Variants in ABCA9 observed in about 807,000 individuals in gnomAD.
The protein encoded by ABCA9 is ATP binding cassette subfamily A member 9, also known as ATP-binding cassette sub-family A member 9.
In ABCA9, 183 loss-of-function variants were observed where a neutral mutation model predicts 205.3. The ratio of observed to expected loss-of-function variants is 0.89; its 90% CI spans 0.79 to 1.01. The LOEUF (loss-of-function observed/expected upper bound fraction) is 1.01, where lower values mean the gene tolerates loss of function less well. Ranked by LOEUF, ABCA9 falls within the 50% of genes least tolerant of loss-of-function variation. ABCA9 has a pLI of 0.00. For synonymous variants in ABCA9, 651 were observed against 683.3 expected (o/e 0.95, Z 0.74); for missense variants, 1,805 against 1,912.4 (o/e 0.94, Z 1.05).
At position 69,049,388 on chromosome 17, in the gene ABCA9, G is replaced by C. The variant is rs150105567; in HGVS notation, c.199C>G (p.Arg67Gly). 1,226 of 1,612,638 alleles carry C rather than the reference G, an allele frequency of 7.6e-4. No homozygotes were observed. The highest frequency in any genetic ancestry group is 1.6e-3 in the Admixed American group (96 of 59,904). ...TTAGTATCATTAAAACTATCTACAC[G>C]TCCCAGATCCATTGAAGACATTTGA... ...TPQMSSMDLG[R>G]VDSFNDTNYV... is the part of the protein sequence containing the mutation. Residue 67 changes from arginine (R) to glycine (G), a missense_variant, in exon 3 of 39, where the codon CGT (arginine) becomes GGT (glycine). By Grantham distance (125) the Arg-to-Gly change is moderately radical. Coordinates refer to ENST00000340001, the MANE Select transcript of ABCA9 (RefSeq NM_080283.4).
chr17:68,976,142 A>T lies in ABCA9; in HGVS notation c.4769T>A (p.Leu1590Gln). The T allele has an allele frequency of 6.2e-7, 1 of 1,614,014 alleles. No individual in the cohort carries two copies. The highest frequency in any genetic ancestry group is 2.2e-5 in the East Asian group (1 of 44,880). ...LEEYSLSQST[L>Q]EQVFLELSKE... is the part of the protein sequence containing the mutation. ...TCACTAAAAATGACCCACCTGCTCC[A>T]GGGTAGACTGTGAGAGGCTGTACTC... is the stretch of plus-strand genomic sequence containing the variant. Residue 1590 changes from leucine to glutamine, a missense_variant, in exon 38 of 39, where the codon CTG (leucine) becomes CAG (glutamine). Coordinates refer to ENST00000340001, the MANE Select transcript of ABCA9 (RefSeq NM_080283.4).
the ABCA9 span, among the ~76,000 whole-genome samples, chr17:69,072,472 C>A: frequency 6.6e-6 from 1 of 152,198 alleles, no homozygotes; most frequent in Non-Finnish European, 1.5e-5. Context: ...ATTTTCAACC[C>A]AGAATTTCAT....
intron 10 of ABCA9, among the ~76,000 whole-genome samples, chr17:69,029,896 C>A (rs1248170869): frequency 6.6e-6 from 1 of 151,958 alleles, no homozygotes; most frequent in Admixed American, 6.6e-5. Flanking sequence ...TAAAAGAGGG[C>A]AAAGAAAAAT....
At chr17:68,984,012 G>A (rs1214116774) in intron 35 of ABCA9, 44 bp downstream of exon 35, 1 of 1,612,100 alleles carries the variant, frequency 6.2e-7, no homozygotes, top group Non-Finnish European at 8.5e-7. Flanking sequence ...TTTGCTCACA[G>A]CACACAACCT....
chr17:69,041,547 T>C (rs2071537531), intron 6 of ABCA9, among the ~76,000 whole-genome samples: 1 of 151,926 alleles, frequency 6.6e-6, no homozygotes, highest in Non-Finnish European at 1.5e-5. Flanking sequence ...CTACTAAAAG[T>C]ACAAAGATTA....
chr17:69,003,109 C>A (rs1228897553), intron 25 of ABCA9, among the ~76,000 whole-genome samples: 1 of 151,184 alleles, frequency 6.6e-6, no homozygotes, highest in Non-Finnish European at 1.5e-5. Context: ...AGCATTTAGT[C>A]CATTTACATT....
At chr17:69,022,473 C>T (rs190652397) in intron 17 of ABCA9, 1 of 151,804 alleles carries the variant, frequency 6.6e-6, no homozygotes, top group Non-Finnish European at 1.5e-5. Context: ...TACAGGTGCA[C>T]AACACCACGC....
At chr17:69,041,737 C>G (rs935609262) in intron 6 of ABCA9, among the ~76,000 whole-genome samples, 3 of 151,658 alleles carry the variant, frequency 2.0e-5, no homozygotes, top group African/African-American at 7.3e-5. Flanking sequence ...AATTATCTAT[C>G]TATCTATCTA....
chr17:69,065,968 T>C, the ABCA9 span, among the ~76,000 whole-genome samples: 2 of 152,258 alleles, frequency 1.3e-5, no homozygotes, highest in African/African-American at 4.8e-5. Flanking sequence ...AAGGACATGT[T>C]TGCCTCCCCT....
intron 3 of ABCA9, among the ~76,000 whole-genome samples, chr17:69,047,283 G>C (rs1011932695): frequency 6.7e-6 from 1 of 150,368 alleles, no homozygotes; most frequent in African/African-American, 2.4e-5. Context: ...ATAAAACAAA[G>C]TTTTTACTGC....
chr17:69,050,073 TTAAAA>T (rs1422975960), intron 2 of ABCA9, among the ~76,000 whole-genome samples: 1 of 152,098 alleles, frequency 6.6e-6, no homozygotes, highest in African/African-American at 2.4e-5. Flanking sequence ...TAAGTCCTTT[TTAAAA>T]GAGTTATATG....
At chr17:69,041,786 G>A (rs942385587) in intron 6 of ABCA9, among the ~76,000 whole-genome samples, 1 of 147,698 alleles carries the variant, frequency 6.8e-6, no homozygotes, top group Admixed American at 6.8e-5. Context: ...TTAGTACTGA[G>A]TTAACTCAAT....
At chr17:69,037,390 A>G (rs1480585772) in intron 6 of ABCA9, among the ~76,000 whole-genome samples, 1 of 152,076 alleles carries the variant, frequency 6.6e-6, no homozygotes, top group Non-Finnish European at 1.5e-5. Flanking sequence ...GCAATCAAAT[A>G]AGAACTCAGG....
At position 69,044,609 on chromosome 17, in the gene ABCA9, G is replaced by C. The variant is rs775942054; in HGVS notation, c.470-9C>G. ...CACTGCTTGACAGTGAGCTTTAGAA[G>C]AAGAACACATCCATTATTACGGAAT... On this transcript the variant is annotated splice_polypyrimidine_tract_variant and intron_variant, in intron 4 of 38. Transcript: ENST00000340001. The C allele has an allele frequency of 6.2e-7, 1 of 1,609,006 alleles. No individual in the cohort carries two copies. The highest frequency in any genetic ancestry group is 8.5e-7 in the Non-Finnish European group (1 of 1,176,568).
intron 31 of ABCA9, 30 bp from the exon 32 acceptor site, chr17:68,986,354 T>C: frequency 6.3e-7 from 1 of 1,585,278 alleles, no homozygotes; most frequent in Non-Finnish European, 8.6e-7. Flanking sequence ...TCTTAGATTC[T>C]ATCCCAAATG....
chr17:68,994,130 C>T lies in ABCA9; in HGVS notation c.3556-1046G>A, dbSNP rs1393710992. Among the ~76,000 whole-genome samples, 3 of 152,320 alleles carry T rather than the reference C, an allele frequency of 2.0e-5. No individual in the cohort carries two copies. The East Asian group carries it at 5.8e-4, about 29-fold the overall frequency. On this transcript the variant is annotated intron_variant, in intron 26 of 38. Transcript: ENST00000340001. Reference sequence around the variant, plus strand: ...ACCTCAGGTGATTCACCTGCCTCGGCCTCCCAAAGTGCTGGGATTACAGGC... The same window carrying T: ...ACCTCAGGTGATTCACCTGCCTCGGTCTCCCAAAGTGCTGGGATTACAGGC...
the ABCA9 span, among the ~76,000 whole-genome samples, chr17:69,066,675 G>A: frequency 2.1e-4 from 32 of 152,148 alleles, no homozygotes; most frequent in Non-Finnish European, 3.7e-4. Flanking sequence ...ATTAAAAAAT[G>A]TGACAACACG....
intron 21 of ABCA9, among the ~76,000 whole-genome samples, chr17:69,017,413 A>G (rs2070657991): frequency 6.6e-6 from 1 of 152,168 alleles, no homozygotes; most frequent in African/African-American, 2.4e-5. Context: ...GATAATAACG[A>G]TCTAAATAAA....
At chr17:68,976,280 T>C (rs1461770890) in intron 37 of ABCA9, 90 bp from the exon 38 acceptor site, 2 of 1,076,892 alleles carry the variant, frequency 1.9e-6, no homozygotes, top group East Asian at 4.8e-5. Context: ...CAAGTAGATC[T>C]TAAACATAAA....
Sources: gnomAD v4.1 joint callset for allele counts (sites outside exome capture counted in the v4.1 genomes callset) on GRCh38, gnomAD v4.1.1 for gene constraint, MANE v1.5 for transcripts, NCBI Gene and HGNC (gene_info 2026-07-23, HGNC 2026-07-21) for gene names.